Variants in SLC2A5 observed in about 807,000 individuals in gnomAD.
SLC2A5 encodes solute carrier family 2, facilitated glucose transporter member 5.
SLC2A5 carries 56 observed loss-of-function variants against 50.3 expected under a neutral mutation model. The observed-to-expected ratio is 1.11, with a 90% CI of 0.90 to 1.39. The LOEUF (loss-of-function observed/expected upper bound fraction) is 1.39, where lower values mean the gene tolerates loss of function less well. Ranked by LOEUF, SLC2A5 falls within the 40% of genes most tolerant of loss-of-function variation. SLC2A5 has a pLI of 0.00. For synonymous variants in SLC2A5, 269 were observed against 281.9 expected, an observed-to-expected ratio of 0.95 and a Z score of 0.46; for missense variants, 566 against 650.1, an observed-to-expected ratio of 0.87 and a Z score of 1.41.
intron 1 of SLC2A5, among the ~76,000 whole-genome samples, chr1:9,065,079 C>G (rs1363662765): frequency 6.6e-6 from 1 of 151,196 alleles, no homozygotes; most frequent in African/African-American, 2.4e-5. Context: ...AAATGTATAG[C>G]CTATCACTAA....
intron 2 of SLC2A5, among the ~76,000 whole-genome samples, chr1:9,074,923 T>C (rs1475818005): frequency 6.6e-6 from 1 of 151,904 alleles, no homozygotes; most frequent in East Asian, 1.9e-4. Context: ...CTTGAGAGGC[T>C]GAGGCAGAAG....
upstream of SLC2A5, among the ~76,000 whole-genome samples, chr1:9,070,827 C>T (rs938015448): frequency 7.9e-5 from 12 of 151,508 alleles, no homozygotes; most frequent in African/African-American, 1.2e-4. Flanking sequence ...AGCCTAGCAG[C>T]GTGGCCGTCT....
chr1:9,091,785 G>C (rs147078016), upstream of SLC2A5, among the ~76,000 whole-genome samples: 1 of 152,044 alleles, frequency 6.6e-6, no homozygotes, highest in African/African-American at 2.4e-5. Flanking sequence ...CCTCAAAGCA[G>C]GATATGCCAT....
At chr1:9,048,758 T>A (rs1641498895) in intron 3 of SLC2A5, among the ~76,000 whole-genome samples, 1 of 151,904 alleles carries the variant, frequency 6.6e-6, no homozygotes, top group South Asian at 2.1e-4. Context: ...CAGGTCAAAG[T>A]GATTCTTGTA....
upstream of SLC2A5, among the ~76,000 whole-genome samples, chr1:9,070,322 C>T (rs567208922): frequency 6.6e-6 from 1 of 152,128 alleles, no homozygotes; most frequent in African/African-American, 2.4e-5. Context: ...CTCAAGTGAT[C>T]CACCCTCCTT....
chr1:9,082,284 C>G (rs546645486), intron 2 of SLC2A5, among the ~76,000 whole-genome samples: 2 of 152,274 alleles, frequency 1.3e-5, no homozygotes, highest in African/African-American at 4.8e-5. Context: ...AACATGTACT[C>G]AAGCGAATAC....
At chr1:9,087,436 C>A (rs911009262) in intron 1 of SLC2A5, among the ~76,000 whole-genome samples, 71 of 151,992 alleles carry the variant, frequency 4.7e-4, no homozygotes, top group Admixed American at 4.3e-3. Context: ...AATCTCCTGA[C>A]CTTGTGATCT....
chr1:9,038,308 C>G, intron 10 of SLC2A5, 123 bp downstream of exon 10: 1 of 767,990 alleles, frequency 1.3e-6, no homozygotes, highest in Admixed American at 2.1e-5. Context: ...TTGCGGTGGA[C>G]GGGGGAAGAG....
At chr1:9,049,022 T>G (rs1641504880) in intron 3 of SLC2A5, 2 of 395,378 alleles carry the variant, frequency 5.1e-6, no homozygotes, top group Admixed American at 3.4e-5. Flanking sequence ...ATAAAGGAAA[T>G]CTACCTAAAA....
intron 3 of SLC2A5, chr1:9,049,295 A>T: frequency 2.4e-6 from 1 of 420,626 alleles, no homozygotes; most frequent in South Asian, 1.6e-5. Flanking sequence ...ATCAGACTGG[A>T]CTATAAAATG....
intron 8 of SLC2A5, 26 bp from the exon 9 acceptor site, chr1:9,038,955 C>T (rs754607660): frequency 1.1e-5 from 18 of 1,602,830 alleles, no homozygotes; most frequent in Admixed American, 1.0e-4. Flanking sequence ...AGGGCTCAGG[C>T]GGGAGAGGCC....
intron 3 of SLC2A5, among the ~76,000 whole-genome samples, chr1:9,055,258 C>T (rs563589711): frequency 6.6e-6 from 1 of 152,222 alleles, no homozygotes; most frequent in South Asian, 2.1e-4. Flanking sequence ...TGGCTCACAC[C>T]TGTAATCTCA....
chr1:9,039,800 A>G lies in SLC2A5; in HGVS notation c.885T>C (p.Ala295=), dbSNP rs1641248058. 1.9e-6 allele frequency: 3 copies of G among 1,571,992 alleles called. No individual in the cohort carries two copies. The highest frequency in any genetic ancestry group is 2.6e-6 in the Non-Finnish European group (3 of 1,160,350). ...TCCCGAGCCGCAGCCCGGCCCATACAGCGTTGACGCCCGACAGCTGCTGGC... is the reference window on the plus strand; with the variant it reads ...TCCCGAGCCGCAGCCCGGCCCATACGGCGTTGACGCCCGACAGCTGCTGGC... ...MGGQQLSGVN[A]IYYYADQIYL... The change falls in exon 7 of 12, where the codon GCT becomes GCC. Residue 295 remains alanine, a splice_region_variant and synonymous_variant. Coordinates refer to ENST00000377424, the MANE Select transcript of SLC2A5 (RefSeq NM_003039.3).
chr1:9,050,255 GT>G (rs1412450408), intron 3 of SLC2A5, among the ~76,000 whole-genome samples: 1 of 151,492 alleles, frequency 6.6e-6, no homozygotes, highest in Non-Finnish European at 1.5e-5. Flanking sequence ...TCCAGCCTGG[GT>G]GACATAGCAA....
upstream of SLC2A5, among the ~76,000 whole-genome samples, chr1:9,070,360 C>T (rs555834054): frequency 5.3e-5 from 8 of 152,220 alleles, no homozygotes; most frequent in South Asian, 2.1e-4. Context: ...GGATTACAGG[C>T]GTGAGCCATC....
intron 3 of SLC2A5, among the ~76,000 whole-genome samples, chr1:9,051,385 A>G (rs1207347647): frequency 6.6e-6 from 1 of 152,204 alleles, no homozygotes; most frequent in African/African-American, 2.4e-5. Flanking sequence ...AAACTAGGAG[A>G]AAATATTTGC....
chr1:9,047,685 A>C lies in SLC2A5; in HGVS notation c.343T>G (p.Leu115Val). ...GTGGCGACTCTGCTGCATCCCATTA[A>C]GATCGCAGGCACGATAGAAAATATG... ...NNIFSIVPAI[L>V]MGCSRVATSF... Residue 115 changes from leucine (L) to valine (V), a missense_variant, in exon 4 of 12, where the codon TTA (leucine) becomes GTA (valine). Leu to Val is a conservative substitution (Grantham distance 32). Coordinates refer to ENST00000377424, the MANE Select transcript of SLC2A5 (RefSeq NM_003039.3). 6.2e-7 allele frequency: 1 copy of C among 1,614,014 alleles called. No individual in the cohort carries two copies. Among genetic ancestry groups the C allele is most frequent in the Non-Finnish European group, 8.5e-7 (1 of 1,179,868 alleles).
chr1:9,075,198 A>AG (rs1215604868), intron 2 of SLC2A5, among the ~76,000 whole-genome samples: 1 of 152,178 alleles, frequency 6.6e-6, no homozygotes, highest in Non-Finnish European at 1.5e-5. Context: ...GATGAGTTAT[A>AG]GGTCTGTCTG....
chr1:9,060,371 C>T (rs1641900382), intron 1 of SLC2A5, among the ~76,000 whole-genome samples: 1 of 138,056 alleles, frequency 7.2e-6, no homozygotes, highest in Non-Finnish European at 1.5e-5. Context: ...ACACTACATA[C>T]ACACACGCAC....
Sources: allele counts gnomAD v4.1 joint callset (sites outside exome capture counted in the v4.1 genomes callset), GRCh38; gene constraint gnomAD v4.1.1; transcripts MANE v1.5; gene names NCBI Gene and HGNC (gene_info 2026-07-23, HGNC 2026-07-21).